OPCML: variants seen among roughly 807,000 people sequenced by gnomAD.
OPCML encodes opioid-binding protein/cell adhesion molecule.
Under a neutral mutation model 37.8 loss-of-function variants are expected in OPCML, and 13 were observed. That is an observed-to-expected ratio of 0.34 (90% CI 0.22 to 0.55). The LOEUF is 0.55. Among genes scored for constraint, OPCML ranks in the 20% least tolerant of loss-of-function variants. The pLI is 0.91. For missense variants in OPCML, 341 were observed against 435.6 expected (o/e 0.78, Z 1.93); for synonymous variants, 176 against 168.8 (o/e 1.04, Z -0.33).
At chr11:132,842,795 C>G (rs1941353660) in intron 2 of OPCML, among the ~76,000 whole-genome samples, 1 of 152,194 alleles carries the variant, frequency 6.6e-6, no homozygotes, top group Admixed American at 6.5e-5. Flanking sequence ...TGAATCCCAT[C>G]TTGAACATGA....
intron 2 of OPCML, among the ~76,000 whole-genome samples, chr11:132,807,796 G>T (rs1939102476): frequency 6.6e-6 from 1 of 152,090 alleles, no homozygotes; most frequent in African/African-American, 2.4e-5. Flanking sequence ...TCAATCAAAG[G>T]GATAGAATTT....
chr11:133,376,663 T>C (rs1261196958), intron 1 of OPCML, among the ~76,000 whole-genome samples: 1 of 152,222 alleles, frequency 6.6e-6, no homozygotes, highest in East Asian at 1.9e-4. Flanking sequence ...ATATGAGCTA[T>C]TTTTAGTCTG....
chr11:133,083,175 C>T (rs1048392821), intron 1 of OPCML, among the ~76,000 whole-genome samples: 5 of 152,160 alleles, frequency 3.3e-5, no homozygotes, highest in African/African-American at 7.2e-5. Flanking sequence ...CCCCGCCGAG[C>T]GGGCCGCACA....
chr11:132,445,816 G>T (rs566052646), intron 4 of OPCML, among the ~76,000 whole-genome samples: 13 of 152,314 alleles, frequency 8.5e-5, no homozygotes, highest in African/African-American at 3.1e-4. Context: ...CTGCTGAGAA[G>T]TCATTCAGAG....
intron 1 of OPCML, among the ~76,000 whole-genome samples, chr11:133,308,188 C>A (rs151214631): frequency 6.6e-6 from 1 of 151,942 alleles, no homozygotes; most frequent in Non-Finnish European, 1.5e-5. Flanking sequence ...CCAAGGTGAA[C>A]AAAAATCACC....
chr11:133,192,251 T>A (rs1300227734), intron 1 of OPCML, among the ~76,000 whole-genome samples: 1 of 152,178 alleles, frequency 6.6e-6, no homozygotes, highest in Non-Finnish European at 1.5e-5. Flanking sequence ...ACTAATATCT[T>A]GATGGCCCTG....
At chr11:132,839,011 A>G (rs1941168102) in intron 2 of OPCML, among the ~76,000 whole-genome samples, 1 of 152,208 alleles carries the variant, frequency 6.6e-6, no homozygotes, top group Non-Finnish European at 1.5e-5. Flanking sequence ...TCTCTGCAAT[A>G]CACTTTCCCG....
At chr11:132,765,154 T>C (rs1479305492) in intron 2 of OPCML, among the ~76,000 whole-genome samples, 3 of 152,146 alleles carry the variant, frequency 2.0e-5, no homozygotes, top group Non-Finnish European at 2.9e-5. Context: ...GACAAGACTG[T>C]ACGGCTCTAG....
intron 2 of OPCML, among the ~76,000 whole-genome samples, chr11:132,743,319 A>T (rs1296073567): frequency 6.6e-6 from 1 of 152,174 alleles, no homozygotes; most frequent in East Asian, 1.9e-4. Flanking sequence ...TACCAGCTCT[A>T]CTAGATTAGC....
At chr11:132,791,338 A>C (rs903091860) in intron 2 of OPCML, among the ~76,000 whole-genome samples, 29 of 152,196 alleles carry the variant, frequency 1.9e-4, no homozygotes, top group Admixed American at 7.2e-4. Context: ...ACAGGCCCTA[A>C]TGTTATGAAA....
At chr11:132,519,684 T>G (rs535185724) in intron 4 of OPCML, among the ~76,000 whole-genome samples, 51 of 152,224 alleles carry the variant, frequency 3.4e-4, no homozygotes, top group Non-Finnish European at 6.2e-4. Flanking sequence ...AAATTTGCTT[T>G]GCAAAAATGT....
At chr11:133,072,447 T>C (rs149434131) in intron 1 of OPCML, among the ~76,000 whole-genome samples, 14 of 152,172 alleles carry the variant, frequency 9.2e-5, no homozygotes, top group African/African-American at 3.4e-4. Flanking sequence ...AAAGAGAAAA[T>C]AGAAAATCTA....
intron 2 of OPCML, among the ~76,000 whole-genome samples, chr11:132,739,059 G>T (rs1026353755): frequency 6.6e-6 from 1 of 152,074 alleles, no homozygotes; most frequent in Non-Finnish European, 1.5e-5. Flanking sequence ...GAGATAACTC[G>T]ACTCCTATCA....
At chr11:133,056,272 T>G (rs144044744) in intron 1 of OPCML, among the ~76,000 whole-genome samples, 5 of 152,324 alleles carry the variant, frequency 3.3e-5, no homozygotes, top group African/African-American at 1.2e-4. Context: ...CATAAACTAC[T>G]GTGTGGCCCT....
At chr11:132,448,432 G>GA (rs2096060917) in intron 4 of OPCML, among the ~76,000 whole-genome samples, 1 of 152,196 alleles carries the variant, frequency 6.6e-6, no homozygotes, top group Admixed American at 6.5e-5. Context: ...ATAAAGGTCT[G>GA]AGCTCTGAAG....
chr11:132,449,636 A>G (rs1461646292), intron 4 of OPCML, among the ~76,000 whole-genome samples: 2 of 152,150 alleles, frequency 1.3e-5, no homozygotes. Context: ...GCTTTACATC[A>G]ACTGTTATAA....
chr11:133,532,230 C>T (rs908771356), intron 1 of OPCML, 34 bp downstream of exon 1: 1 of 1,609,906 alleles, frequency 6.2e-7, no homozygotes, highest in Non-Finnish European at 8.5e-7. Flanking sequence ...ACAATCACCC[C>T]AGGGAGAGAA....
chr11:132,459,584 C>A (rs745775369), intron 4 of OPCML, among the ~76,000 whole-genome samples: 2 of 149,010 alleles, frequency 1.3e-5, no homozygotes, highest in African/African-American at 2.5e-5. Flanking sequence ...GAGAGAGATC[C>A]TACTGGTTCT....
At chr11:133,132,776 C>T (rs567528448) in intron 1 of OPCML, among the ~76,000 whole-genome samples, 1 of 151,552 alleles carries the variant, frequency 6.6e-6, no homozygotes, top group African/African-American at 2.4e-5. Context: ...CTCTATAATT[C>T]TATTTACACA....
Sources: gnomAD v4.1 joint callset for allele counts (sites outside exome capture counted in the v4.1 genomes callset) on GRCh38, gnomAD v4.1.1 for gene constraint, MANE v1.5 for transcripts, NCBI Gene and HGNC (gene_info 2026-07-23, HGNC 2026-07-21) for gene names.